The following PJA2 variants were observed in gnomAD, a reference collection of about 807,000 sequenced individuals.
PJA2 encodes the protein praja ring finger ubiquitin ligase 2.
PJA2 carries 25 observed loss-of-function variants against 69.3 expected under a neutral mutation model. The observed-to-expected ratio is 0.36, with a 90% CI of 0.26 to 0.50. The LOEUF (loss-of-function observed/expected upper bound fraction) is 0.50, where lower values mean the gene tolerates loss of function less well. Ranked by LOEUF, PJA2 falls within the 20% of genes least tolerant of loss-of-function variation. PJA2 has a pLI of 0.96. For synonymous variants in PJA2, 308 were observed against 277.8 expected (o/e 1.11, Z -1.08); for missense variants, 809 against 830.2 (o/e 0.97, Z 0.31).
chr5:109,356,086 T>A, intron 6 of PJA2, 60 bp from the exon 7 acceptor site: 3 of 1,113,776 alleles, frequency 2.7e-6, no homozygotes, highest in Non-Finnish European at 4.0e-6. Context: ...AATCTTATGC[T>A]GAGGACATAA....
At chr5:109,403,797 C>A (rs1360622524) in intron 1 of PJA2, among the ~76,000 whole-genome samples, 2 of 151,122 alleles carry the variant, frequency 1.3e-5, no homozygotes, top group African/African-American at 2.4e-5. Context: ...CTCTGCCAGG[C>A]GCAGTGGCTC....
intron 7 of PJA2, among the ~76,000 whole-genome samples, chr5:109,353,202 T>C (rs1762299869): frequency 7.1e-6 from 1 of 140,488 alleles, no homozygotes; most frequent in Non-Finnish European, 1.5e-5. Flanking sequence ...ATTAGATACC[T>C]ATAATATCTA....
chr5:109,397,692 T>G (rs898912075), intron 1 of PJA2, among the ~76,000 whole-genome samples: 3 of 148,818 alleles, frequency 2.0e-5, no homozygotes, highest in Non-Finnish European at 4.5e-5. Context: ...ATATTTTTTG[T>G]TTTTTTTTTC....
At chr5:109,370,745 G>A (rs929871114) in intron 4 of PJA2, among the ~76,000 whole-genome samples, 2 of 152,044 alleles carry the variant, frequency 1.3e-5, no homozygotes, top group South Asian at 4.1e-4. Flanking sequence ...AAAATTCAAA[G>A]CTAAATTACC....
At chr5:109,404,138 T>C (rs1747627035) in intron 1 of PJA2, among the ~76,000 whole-genome samples, 1 of 151,836 alleles carries the variant, frequency 6.6e-6, no homozygotes, top group African/African-American at 2.4e-5. Flanking sequence ...AATGGGAACA[T>C]CCTCAATATG....
intron 4 of PJA2, among the ~76,000 whole-genome samples, chr5:109,371,809 G>A (rs1762679226): frequency 6.6e-6 from 1 of 152,118 alleles, no homozygotes; most frequent in African/African-American, 2.4e-5. Flanking sequence ...CTTAAGGTAC[G>A]ATAGTTGAGA....
intron 1 of PJA2, among the ~76,000 whole-genome samples, chr5:109,401,432 T>A (rs570492947): frequency 2.0e-5 from 3 of 152,130 alleles, no homozygotes; most frequent in African/African-American, 7.2e-5. Flanking sequence ...TGCACTCCAC[T>A]TGGGCAACAG....
At chr5:109,398,746 T>C (rs907773346) in intron 1 of PJA2, among the ~76,000 whole-genome samples, 49 of 151,634 alleles carry the variant, frequency 3.2e-4, no homozygotes, top group African/African-American at 1.2e-3. Context: ...CTGCACATTG[T>C]GCACATGTAC....
rs1287593518 is a variant in PJA2, at chr5:109,381,548, A to G, written c.187T>C (p.Tyr63His). The change falls in exon 3 of 10, where the codon TAT becomes CAT. Residue 63 changes from tyrosine to histidine, a missense_variant. Coordinates refer to ENST00000361189, the MANE Select transcript of PJA2 (RefSeq NM_014819.5). Reference sequence around the variant, plus strand: ...ACATCATCTAGTTCCAACACTTCATAGTCATCACCAGCCCGACCTAAGCTT... The same window carrying G: ...ACATCATCTAGTTCCAACACTTCATGGTCATCACCAGCCCGACCTAAGCTT... The part of the protein sequence containing the change: ...ERSLGRAGDD[Y>H]EVLELDDVPK... 1.2e-6 allele frequency: 2 copies of G among 1,613,954 alleles called. No homozygotes were observed. The highest frequency in any genetic ancestry group is 1.3e-5 in the African/African-American group (1 of 74,920).
At chr5:109,382,225 AAAT>A (rs1387849930) in intron 2 of PJA2, among the ~76,000 whole-genome samples, 1 of 152,192 alleles carries the variant, frequency 6.6e-6, no homozygotes, top group Non-Finnish European at 1.5e-5. Flanking sequence ...AGATCACAAT[AAAT>A]ATGTTCCAAA....
intron 3 of PJA2, among the ~76,000 whole-genome samples, chr5:109,381,126 A>G (rs1475548764): frequency 6.6e-6 from 1 of 151,750 alleles, no homozygotes; most frequent in Non-Finnish European, 1.5e-5. Context: ...AAAAAAAAAA[A>G]GAAGAAGAAG....
Position 109,335,101 on chromosome 5 carries a change from G to T in PJA2, c.*2130C>A, listed in dbSNP as rs1224229064. On this transcript the variant is annotated 3_prime_UTR_variant, in exon 10 of 10. Transcript: ENST00000361189. Reference sequence around the variant, plus strand: ...TCATATAGTCTTAACTTTTTCAAAAGGATCCAAGATATGATCAAATAATAT... The same window carrying T: ...TCATATAGTCTTAACTTTTTCAAAATGATCCAAGATATGATCAAATAATAT... 2.0e-5 allele frequency: 3 copies of T among 152,530 alleles called. No homozygotes were observed. Among genetic ancestry groups the T allele is most frequent in the Non-Finnish European group, 4.4e-5 (3 of 68,012 alleles). 9.4% of individuals were successfully genotyped at this position (152,530 alleles called of 1,614,324 possible).
At chr5:109,355,167 A>G (rs1387419911) in intron 7 of PJA2, among the ~76,000 whole-genome samples, 6 of 152,142 alleles carry the variant, frequency 3.9e-5, no homozygotes, top group Non-Finnish European at 8.8e-5. Context: ...ATCTCAGAAA[A>G]TTTAAAGACA....
At chr5:109,344,646 G>A (rs1378162027) in intron 8 of PJA2, 59 bp downstream of exon 8, 1 of 1,102,568 alleles carries the variant, frequency 9.1e-7, no homozygotes, top group Non-Finnish European at 1.3e-6. Flanking sequence ...TAGGTATATT[G>A]ATAATATACT....
chr5:109,401,272 A>C (rs1478670148), intron 1 of PJA2, among the ~76,000 whole-genome samples: 8 of 152,250 alleles, frequency 5.3e-5, no homozygotes, highest in Middle Eastern at 3.4e-3. Flanking sequence ...CGACAGAGTG[A>C]GACTCTGTCT....
At chr5:109,351,639 T>C (rs1561343727) in intron 7 of PJA2, among the ~76,000 whole-genome samples, 1 of 152,052 alleles carries the variant, frequency 6.6e-6, no homozygotes, top group South Asian at 2.1e-4. Flanking sequence ...GTTTAAGGTT[T>C]TACCCTCTCC....
rs758327409 is a variant in PJA2 at position 109,368,519 on chromosome 5, T to C, written c.1469+42A>G. 5.8e-6 allele frequency: 9 copies of C among 1,545,538 alleles called. No homozygotes were observed. The East Asian group carries it at 2.0e-4, about 35-fold the overall frequency. On this transcript the variant is annotated intron_variant, in intron 5 of 9. Transcript: ENST00000361189. ...CATTTGAATGTAAAATATACCACTC[T>C]TGTACAATATACAGAAAAATAAATC... is the stretch of plus-strand genomic sequence containing the variant.
intron 4 of PJA2, among the ~76,000 whole-genome samples, chr5:109,371,693 A>C (rs1262137132): frequency 6.6e-6 from 1 of 152,178 alleles, no homozygotes; most frequent in African/African-American, 2.4e-5. Flanking sequence ...TACTCCAAAA[A>C]ACCTTCAACA....
intron 9 of PJA2, among the ~76,000 whole-genome samples, chr5:109,341,980 C>A (rs1185332414): frequency 3.0e-5 from 4 of 131,616 alleles, no homozygotes; most frequent in Admixed American, 7.1e-5. Context: ...CCCGGCCAGC[C>A]GCCCCGTCCG....
Sources: allele counts gnomAD v4.1 joint callset (sites outside exome capture counted in the v4.1 genomes callset), GRCh38; gene constraint gnomAD v4.1.1; transcripts MANE v1.5; gene names NCBI Gene and HGNC (gene_info 2026-07-23, HGNC 2026-07-21).